Variants in RASA2 observed in about 807,000 individuals in gnomAD.
RASA2 encodes ras GTPase-activating protein 2.
RASA2 carries 155 observed loss-of-function variants against 118.2 expected under a neutral mutation model. The observed-to-expected ratio is 1.31, with a 90% CI of 1.15 to 1.50. The LOEUF (loss-of-function observed/expected upper bound fraction) is 1.50, where lower values mean the gene tolerates loss of function less well. Ranked by LOEUF, RASA2 falls within the 40% of genes most tolerant of loss-of-function variation. RASA2 has a pLI of 0.00. For synonymous variants in RASA2, 353 were observed against 349.1 expected (o/e 1.01, Z -0.12); for missense variants, 1,016 against 1,009.6 (o/e 1.01, Z -0.09).
chr3:141,522,445 T>A (rs2082124798), intron 3 of RASA2, among the ~76,000 whole-genome samples: 1 of 152,060 alleles, frequency 6.6e-6, no homozygotes, highest in South Asian at 2.1e-4. Flanking sequence ...CTCCTGAAAG[T>A]CTCCGGGAAT....
At chr3:141,586,396 AG>A (rs1187471958) in intron 18 of RASA2, among the ~76,000 whole-genome samples, 2 of 152,154 alleles carry the variant, frequency 1.3e-5, no homozygotes, top group Non-Finnish European at 2.9e-5. Context: ...TTATAAGTTA[AG>A]GGGGGGAACC....
intron 4 of RASA2, among the ~76,000 whole-genome samples, chr3:141,537,397 C>G (rs1288464108): frequency 6.6e-6 from 1 of 152,130 alleles, no homozygotes; most frequent in Non-Finnish European, 1.5e-5. Context: ...TTGCTTAGTT[C>G]TAACTTTTTT....
At chr3:141,600,524 A>C (rs540440484) in intron 19 of RASA2, 1 of 304,928 alleles carries the variant, frequency 3.3e-6, no homozygotes, top group African/African-American at 2.2e-5. Context: ...ATGTCATCGT[A>C]GTGCTCTGCC....
chr3:141,539,800 T>A (rs999860191), intron 4 of RASA2, among the ~76,000 whole-genome samples: 1 of 152,232 alleles, frequency 6.6e-6, no homozygotes, highest in Non-Finnish European at 1.5e-5. Flanking sequence ...AAGTTGATTG[T>A]TTGAATTCTT....
chr3:141,592,842 C>A (rs2083307987), intron 19 of RASA2, among the ~76,000 whole-genome samples: 1 of 143,284 alleles, frequency 7.0e-6, no homozygotes, highest in South Asian at 2.2e-4. Context: ...AGAAGGGGAA[C>A]AGAAAATGAT....
At chr3:141,505,610 T>TGTA (rs1302634601) in intron 1 of RASA2, among the ~76,000 whole-genome samples, 1 of 152,182 alleles carries the variant, frequency 6.6e-6, no homozygotes, top group East Asian at 1.9e-4. Context: ...AGGTTGAACA[T>TGTA]GTAGTAGATA....
intron 1 of RASA2, among the ~76,000 whole-genome samples, chr3:141,502,846 G>A (rs925572118): frequency 6.6e-6 from 1 of 152,090 alleles, no homozygotes; most frequent in Admixed American, 6.6e-5. Context: ...ACCCATGTTG[G>A]CGCCTACCCT....
intron 5 of RASA2, among the ~76,000 whole-genome samples, chr3:141,552,038 A>G (rs2082582802): frequency 6.6e-6 from 1 of 152,122 alleles, no homozygotes; most frequent in Non-Finnish European, 1.5e-5. Flanking sequence ...ATATTTAATA[A>G]TATTACTTAA....
At chr3:141,506,156 CAAGAA>C (rs1359944875) in intron 1 of RASA2, among the ~76,000 whole-genome samples, 2 of 152,200 alleles carry the variant, frequency 1.3e-5, no homozygotes, top group African/African-American at 2.4e-5. Context: ...TATGAATCAA[CAAGAA>C]AAGATGTTAC....
chr3:141,500,323 G>T (rs1398046907), intron 1 of RASA2, among the ~76,000 whole-genome samples: 1 of 152,300 alleles, frequency 6.6e-6, no homozygotes, highest in African/African-American at 2.4e-5. Context: ...GATAAAGACA[G>T]TTCTTCTCTT....
intron 7 of RASA2, among the ~76,000 whole-genome samples, chr3:141,556,337 C>T (rs1276413065): frequency 6.6e-6 from 1 of 151,374 alleles, no homozygotes; most frequent in African/African-American, 2.4e-5. Flanking sequence ...AAATGTGACT[C>T]AAGTTTCTTA....
chr3:141,528,562 T>C (rs1246064733), intron 3 of RASA2, among the ~76,000 whole-genome samples: 1 of 151,890 alleles, frequency 6.6e-6, no homozygotes, highest in Admixed American at 6.6e-5. Flanking sequence ...CCAGCACTAA[T>C]GGCTTGGGTG....
At chr3:141,589,954 T>C (rs78057008) in intron 19 of RASA2, among the ~76,000 whole-genome samples, 1,842 of 152,260 alleles carry the variant, frequency 0.012, 19 homozygotes, top group Non-Finnish European at 0.02. Context: ...TTAGAAGCTA[T>C]GTTGTTGTTA....
intron 1 of RASA2, among the ~76,000 whole-genome samples, chr3:141,500,893 A>C (rs2081769055): frequency 6.6e-6 from 1 of 152,038 alleles, no homozygotes; most frequent in South Asian, 2.1e-4. Flanking sequence ...CTCAGATTTT[A>C]GAGCTATAGA....
chr3:141,530,314 T>A (rs2082242772), intron 4 of RASA2, among the ~76,000 whole-genome samples: 1 of 152,156 alleles, frequency 6.6e-6, no homozygotes, highest in African/African-American at 2.4e-5. Flanking sequence ...AAGAGTATCA[T>A]TACTCTTTAA....
chr3:141,588,692 C>T (rs754604716), intron 19 of RASA2, among the ~76,000 whole-genome samples: 1 of 152,124 alleles, frequency 6.6e-6, no homozygotes, highest in African/African-American at 2.4e-5. Context: ...ACCAGAATGA[C>T]TACATGTGTC....
intron 1 of RASA2, among the ~76,000 whole-genome samples, chr3:141,488,787 C>T (rs1055364025): frequency 6.6e-6 from 1 of 152,000 alleles, no homozygotes; most frequent in Non-Finnish European, 1.5e-5. Context: ...GTAAATGGGC[C>T]AAAGTTTCTC....
At chr3:141,500,436 T>TTAAA (rs2081762597) in intron 1 of RASA2, among the ~76,000 whole-genome samples, 1 of 152,248 alleles carries the variant, frequency 6.6e-6, no homozygotes. Context: ...TGAAAACTGA[T>TTAAA]TAAATGATAA....
chr3:141,532,330 A>G (rs1240290471), intron 4 of RASA2, among the ~76,000 whole-genome samples: 3 of 152,106 alleles, frequency 2.0e-5, no homozygotes, highest in African/African-American at 7.2e-5. Context: ...AAAATAGATT[A>G]GGAGTATCAC....
Sources: gnomAD v4.1 joint callset for allele counts (sites outside exome capture counted in the v4.1 genomes callset) on GRCh38, gnomAD v4.1.1 for gene constraint, MANE v1.5 for transcripts, NCBI Gene and HGNC (gene_info 2026-07-23, HGNC 2026-07-21) for gene names.